Variants in STK3 observed in about 807,000 individuals in gnomAD.
STK3 encodes serine/threonine kinase 3, also known as serine/threonine-protein kinase 3.
A neutral mutation model predicts 58.0 loss-of-function variants in STK3; 41 were observed. That is an observed-to-expected ratio of 0.71 (90% CI 0.55 to 0.92). The LOEUF is 0.92. STK3 is among the 40% of genes least tolerant of loss of function. The pLI is 0.00. For missense variants in STK3, 479 were observed against 602.7 expected (o/e 0.79, Z 2.15); for synonymous variants, 170 against 191.0 (o/e 0.89, Z 0.91).
chr8:98,860,213 G>A (rs1836875094), intron 3 of STK3, among the ~76,000 whole-genome samples: 3 of 152,220 alleles, frequency 2.0e-5, no homozygotes, highest in African/African-American at 4.8e-5. Context: ...CAAAATAGAT[G>A]TGATAACATG....
In STK3 at chr8:98,428,051, C is replaced by T. The variant is rs151175046; in HGVS notation, n.483+6076G>A. ...ACGGGGAGATCCGCATCAATGTGGG[C>T]GGCTTCAAGAGGAGGCTGCGCTCGC... On this transcript the variant is annotated intron_variant and non_coding_transcript_variant, in intron 3 of 3. Coordinates refer to the STK3 transcript ENST00000517832. The surrounding 1 kb of genome is among the most constrained non-coding windows in gnomAD (Gnocchi z 6.7). 157 of 1,611,846 alleles carry T rather than the reference C, an allele frequency of 9.7e-5. No homozygotes were observed. In the African/African-American group the frequency reaches 2.0e-3, roughly 21 times the overall value.
At chr8:98,787,113 G>A (rs1465768223) in intron 1 of STK3, among the ~76,000 whole-genome samples, 1 of 129,548 alleles carries the variant, frequency 7.7e-6, no homozygotes, top group Non-Finnish European at 1.6e-5. Flanking sequence ...AGGTTGCAGT[G>A]AGCTGAGGTC....
intron 6 of STK3, among the ~76,000 whole-genome samples, chr8:98,680,367 A>T (rs1309627192): frequency 6.6e-6 from 1 of 152,220 alleles, no homozygotes; most frequent in Non-Finnish European, 1.5e-5. Flanking sequence ...AGGCAAATGG[A>T]AACAGTTCAA....
rs1810864713 is a variant in STK3, at chr8:98,548,077, C to T, written c.1033G>A (p.Glu345Lys). The T allele has an allele frequency of 6.2e-7, 1 of 1,609,978 alleles. No individual in the cohort carries two copies. Reference sequence around the variant, plus strand: ...TGTTCAATCATGGTCTGGGCCCCTTCACTCATCGTGCTTGTGGCCCGCATG... The same window carrying T: ...TGTTCAATCATGGTCTGGGCCCCTTTACTCATCGTGCTTGTGGCCCGCATG... The part of the protein sequence containing the change: ...GTMRATSTMS[E>K]GAQTMIEHNS... The change falls in exon 9 of 11, where the codon GAA (glutamate) becomes AAA (lysine). Residue 345 changes from glutamate (E) to lysine (K), a missense_variant. Physicochemically the swap from Glu to Lys is moderately conservative, Grantham distance 56. Transcript: ENST00000419617.
chr8:98,399,813 G>A (rs1243901206), downstream of STK3, among the ~76,000 whole-genome samples: 1 of 152,206 alleles, frequency 6.6e-6, no homozygotes, highest in Admixed American at 6.5e-5. Context: ...GTGGCTTACA[G>A]GAGGCCATGG....
At chr8:98,533,465 T>G (rs189071432) in intron 9 of STK3, among the ~76,000 whole-genome samples, 35 of 152,218 alleles carry the variant, frequency 2.3e-4, no homozygotes, top group East Asian at 5.8e-4. Flanking sequence ...TGTATGTATG[T>G]ATGGATGGAT....
At chr8:98,622,558 G>A (rs559775801) in intron 6 of STK3, among the ~76,000 whole-genome samples, 2 of 152,206 alleles carry the variant, frequency 1.3e-5, no homozygotes, top group South Asian at 4.1e-4. Flanking sequence ...GTAAACTCAA[G>A]GGTCTGTAAA....
At chr8:98,893,468 A>ATG (rs1745255127) in intron 1 of STK3, among the ~76,000 whole-genome samples, 1 of 97,904 alleles carries the variant, frequency 1.0e-5, no homozygotes, top group East Asian at 3.0e-4. Context: ...GAAAGAAAGA[A>ATG]AGAAAGAAAG....
chr8:98,475,363 A>G (rs1323730033), intron 10 of STK3, among the ~76,000 whole-genome samples: 2 of 152,218 alleles, frequency 1.3e-5, no homozygotes. Context: ...CCATTGTTAT[A>G]CAAGAGGCAG....
At chr8:98,840,812 C>A (rs189408100) in intron 3 of STK3, among the ~76,000 whole-genome samples, 1 of 152,030 alleles carries the variant, frequency 6.6e-6, no homozygotes, top group African/African-American at 2.4e-5. Context: ...CAGTTCAGGG[C>A]CTCTCAAAAG....
At chr8:98,657,733 A>G (rs1266060931) in intron 6 of STK3, among the ~76,000 whole-genome samples, 4 of 152,064 alleles carry the variant, frequency 2.6e-5, no homozygotes, top group African/African-American at 9.7e-5. Flanking sequence ...GAGTATTAAG[A>G]GTATCTTAAT....
At chr8:98,435,149 A>C (rs924966620) in intron 2 of STK3, among the ~76,000 whole-genome samples, 8 of 152,212 alleles carry the variant, frequency 5.3e-5, no homozygotes, top group African/African-American at 1.9e-4. Flanking sequence ...AAAGAGGAAT[A>C]ACTATTTCCT....
At chr8:98,669,330 T>TA (rs1822629628) in intron 6 of STK3, among the ~76,000 whole-genome samples, 1 of 152,056 alleles carries the variant, frequency 6.6e-6, no homozygotes, top group Non-Finnish European at 1.5e-5. Context: ...TCAACAGTTC[T>TA]AAAAAAAGAC....
chr8:98,829,250 G>A (rs1182867560), upstream of STK3, among the ~76,000 whole-genome samples: 2 of 151,994 alleles, frequency 1.3e-5, no homozygotes, highest in Non-Finnish European at 2.9e-5. Context: ...TGACCCTTTG[G>A]GCCTGAGTAT....
chr8:98,810,311 CTA>C (rs952542729), intron 1 of STK3, among the ~76,000 whole-genome samples: 2 of 152,078 alleles, frequency 1.3e-5, no homozygotes, highest in African/African-American at 4.8e-5. Context: ...CAGGGTAATT[CTA>C]TGTTTATAAT....
intron 6 of STK3, among the ~76,000 whole-genome samples, chr8:98,610,337 TAA>T (rs930266751): frequency 9.2e-5 from 14 of 152,156 alleles, no homozygotes; most frequent in Admixed American, 3.9e-4. Flanking sequence ...TATCATCTGG[TAA>T]AAGAGTTCCA....
At chr8:98,738,783 G>A (rs201278697) in intron 4 of STK3, among the ~76,000 whole-genome samples, 9 of 152,358 alleles carry the variant, frequency 5.9e-5, no homozygotes, top group African/African-American at 9.6e-5. Context: ...TAAGCAGGGC[G>A]AGGCATTGCC....
chr8:98,455,549 T>C lies in STK3; in HGVS notation c.*293A>G. The C allele has an allele frequency of 5.3e-6, 2 of 375,954 alleles. No individual in the cohort carries two copies. The highest frequency in any genetic ancestry group is 8.8e-5 in the Admixed American group (2 of 22,842). The allele number at this position is 375,954 out of a possible 1,614,324, so 23.3% of individuals were successfully genotyped here. On this transcript the variant is annotated 3_prime_UTR_variant, in exon 11 of 11. Coordinates refer to ENST00000419617, the MANE Select transcript of STK3 (RefSeq NM_006281.4). ...TACAATGCAACAATAGCTTTGGATT[T>C]TCAAGGTTTAGAGACCTTGAAAATC...
intron 10 of STK3, among the ~76,000 whole-genome samples, chr8:98,499,879 G>A (rs905537796): frequency 6.6e-6 from 1 of 152,122 alleles, no homozygotes; most frequent in Non-Finnish European, 1.5e-5. Flanking sequence ...ACTGAAATGG[G>A]TTGAGGCTTC....
Sources: gnomAD v4.1 joint callset for allele counts (sites outside exome capture counted in the v4.1 genomes callset) on GRCh38, gnomAD v4.1.1 for gene constraint, Gnocchi (gnomAD v3.1) non-coding constraint, MANE v1.5 for transcripts, NCBI Gene and HGNC (gene_info 2026-07-23, HGNC 2026-07-21) for gene names.